Variants in PXDNL observed in about 807,000 individuals in gnomAD.
PXDNL encodes the protein peroxidasin like, also known as probable oxidoreductase PXDNL.
In PXDNL, 145 loss-of-function variants were observed where a neutral mutation model predicts 150.8. The observed-to-expected ratio is 0.96, with a 90% CI of 0.84 to 1.10. The LOEUF is 1.10. Among genes scored for constraint, PXDNL ranks in the 50% least tolerant of loss-of-function variants. The probability of loss-of-function intolerance (pLI) is 0.00; values close to 1 mark genes in which losing one functional copy is unlikely to be tolerated. For missense variants in PXDNL, 2,087 were observed against 1,873.9 expected (o/e 1.11, Z -2.10); for synonymous variants, 757 against 725.7 (o/e 1.04, Z -0.69).
chr8:51,359,086 GC>G (rs2130744306), intron 19 of PXDNL, among the ~76,000 whole-genome samples: 1 of 152,244 alleles, frequency 6.6e-6, no homozygotes, highest in Non-Finnish European at 1.5e-5. Flanking sequence ...TCATAGCCCA[GC>G]CCAGTGAACC....
At chr8:51,370,259 G>A (rs1214984698) in intron 19 of PXDNL, among the ~76,000 whole-genome samples, 4 of 152,174 alleles carry the variant, frequency 2.6e-5, no homozygotes, top group African/African-American at 4.8e-5. Context: ...GTATGGGCAC[G>A]CAGCCCTGGC....
At chr8:51,460,184 G>A (rs1264061915) in intron 8 of PXDNL, among the ~76,000 whole-genome samples, 1 of 151,242 alleles carries the variant, frequency 6.6e-6, no homozygotes, top group African/African-American at 2.4e-5. Context: ...AGAAGTTCAA[G>A]CCTGCAGTGA....
chr8:51,533,161 T>C (rs532020150), intron 4 of PXDNL, among the ~76,000 whole-genome samples: 3 of 152,282 alleles, frequency 2.0e-5, no homozygotes, highest in Non-Finnish European at 4.4e-5. Context: ...TTTACTTTTT[T>C]ATTTTTTGAG....
intron 2 of PXDNL, among the ~76,000 whole-genome samples, chr8:51,642,505 A>G (rs1814789723): frequency 6.6e-6 from 1 of 152,226 alleles, no homozygotes; most frequent in Non-Finnish European, 1.5e-5. Context: ...TTCAGGCTAA[A>G]AACTGTCAAC....
chr8:51,384,222 AGG>A lies in PXDNL; in HGVS notation c.3558-9493_3558-9492del, dbSNP rs1410950234. Among the ~76,000 whole-genome samples, 12 of 152,342 alleles carry A rather than the reference AGG, an allele frequency of 7.9e-5. No individual in the cohort carries two copies. The South Asian group carries it at 1.9e-3, about 24-fold the overall frequency. On this transcript the variant is annotated intron_variant, in intron 17 of 22. Coordinates refer to ENST00000356297, the MANE Select transcript of PXDNL (RefSeq NM_144651.5). ...CACAGAACAAAATTTCCTCTGCCTC[AGG>A]ATGACTGCATCAATTTAAGGGAAGT...
At chr8:51,735,526 G>GC (rs1554510814) in intron 1 of PXDNL, among the ~76,000 whole-genome samples, 3 of 41,060 alleles carry the variant, frequency 7.3e-5, no homozygotes, top group Non-Finnish European at 1.8e-4. Context: ...ATTAAAAATT[G>GC]TTTTTTTTTT....
chr8:51,430,171 C>G (rs1459071062), intron 12 of PXDNL, among the ~76,000 whole-genome samples: 1 of 152,210 alleles, frequency 6.6e-6, no homozygotes, highest in Non-Finnish European at 1.5e-5. Context: ...TTGGAAATAT[C>G]TAACACCACA....
At chr8:51,533,403 G>A (rs939985443) in intron 4 of PXDNL, among the ~76,000 whole-genome samples, 4 of 151,320 alleles carry the variant, frequency 2.6e-5, no homozygotes, top group Non-Finnish European at 4.4e-5. Flanking sequence ...CACCTGCTTC[G>A]GCCTCCCAAA....
chr8:51,687,803 G>T (rs1317127004), intron 1 of PXDNL, among the ~76,000 whole-genome samples: 1 of 152,220 alleles, frequency 6.6e-6, no homozygotes, highest in Non-Finnish European at 1.5e-5. Context: ...CATTCCATGG[G>T]AGTGGAGGGA....
At chr8:51,804,565 T>C (rs2037655965) in intron 1 of PXDNL, among the ~76,000 whole-genome samples, 1 of 152,188 alleles carries the variant, frequency 6.6e-6, no homozygotes, top group African/African-American at 2.4e-5. Context: ...ACCAGACTTG[T>C]ACTGTCATTC....
intron 1 of PXDNL, among the ~76,000 whole-genome samples, chr8:51,801,044 T>A (rs1323469790): frequency 2.0e-5 from 3 of 152,160 alleles, no homozygotes; most frequent in Admixed American, 2.0e-4. Flanking sequence ...TTTTTCTTTT[T>A]GCAGAGAGCC....
chr8:51,516,234 T>G (rs2130365200), intron 4 of PXDNL, among the ~76,000 whole-genome samples: 1 of 152,374 alleles, frequency 6.6e-6, no homozygotes, highest in African/African-American at 2.4e-5. Context: ...GTTATATTTC[T>G]TCTATTCAAT....
intron 4 of PXDNL, among the ~76,000 whole-genome samples, chr8:51,554,375 T>G (rs188673674): frequency 6.6e-6 from 1 of 152,340 alleles, no homozygotes; most frequent in Non-Finnish European, 1.5e-5. Context: ...TCCCATTGTC[T>G]TGATGAATGG....
At chr8:51,600,512 CTT>C (rs1339489912) in intron 2 of PXDNL, among the ~76,000 whole-genome samples, 1 of 133,666 alleles carries the variant, frequency 7.5e-6, no homozygotes, top group Non-Finnish European at 1.5e-5. Flanking sequence ...TAAATTATAT[CTT>C]ATATAAATTA....
chr8:51,636,590 TATC>T (rs529209022), intron 2 of PXDNL, among the ~76,000 whole-genome samples: 1 of 152,110 alleles, frequency 6.6e-6, no homozygotes, highest in Non-Finnish European at 1.5e-5. Flanking sequence ...CAATTATACT[TATC>T]ATCAAAAAGA....
chr8:51,359,773 G>T (rs996460755), intron 19 of PXDNL, among the ~76,000 whole-genome samples: 2 of 152,092 alleles, frequency 1.3e-5, no homozygotes, highest in Admixed American at 1.3e-4. Context: ...AAGCATTAGA[G>T]AACCCTATTT....
intron 21 of PXDNL, among the ~76,000 whole-genome samples, chr8:51,325,885 T>C (rs1281175387): frequency 6.6e-6 from 1 of 152,186 alleles, no homozygotes; most frequent in East Asian, 1.9e-4. Flanking sequence ...GGCCACAGTT[T>C]CTTCTGTGCT....
intron 2 of PXDNL, among the ~76,000 whole-genome samples, chr8:51,635,278 T>C (rs989394715): frequency 6.6e-6 from 1 of 152,014 alleles, no homozygotes; most frequent in East Asian, 1.9e-4. Context: ...TTTCAAAAAG[T>C]AGAAGATCTC....
chr8:51,733,071 G>T (rs1312248704), intron 1 of PXDNL, among the ~76,000 whole-genome samples: 1 of 152,198 alleles, frequency 6.6e-6, no homozygotes, highest in African/African-American at 2.4e-5. Context: ...CTGTTTGTCT[G>T]CTTTGTTCTG....
Sources: allele counts gnomAD v4.1 joint callset (sites outside exome capture counted in the v4.1 genomes callset), GRCh38; gene constraint gnomAD v4.1.1; transcripts MANE v1.5; gene names NCBI Gene and HGNC (gene_info 2026-07-23, HGNC 2026-07-21).